IRF2BPL: variants seen among roughly 807,000 people sequenced by gnomAD.
The protein encoded by IRF2BPL is interferon regulatory factor 2 binding protein like, also known as probable E3 ubiquitin-protein ligase IRF2BPL.
A neutral mutation model predicts 51.2 loss-of-function variants in IRF2BPL; 13 were observed. The observed-to-expected ratio is 0.25, with a 90% confidence interval of 0.17 to 0.40. The LOEUF is 0.40. IRF2BPL is among the 10% of genes least tolerant of loss of function. The pLI, the probability that IRF2BPL is intolerant of heterozygous loss-of-function variation, is 1.00. For synonymous variants in IRF2BPL, 768 were observed against 509.2 expected, an observed-to-expected ratio of 1.51 and a Z score of -6.84; for missense variants, 1,210 against 1,111.8, an observed-to-expected ratio of 1.09 and a Z score of -1.26.
At position 77,027,628 on chromosome 14, in the gene IRF2BPL, G is replaced by T. The variant is rs776462375; in HGVS notation, c.165C>A (p.Arg55=). ...DRIEFVIETA[R]QLKRAHGCFQ... is the part of the protein sequence containing the mutation. ...AGCAGCCGTGCGCCCGCTTCAGCTG[G>T]CGCGCTGTCTCGATCACGAATTCGA... Residue 55 remains arginine (R), a synonymous_variant, in exon 1 of 1, where the codon CGC becomes CGA. Coordinates refer to ENST00000238647, the MANE Select transcript of IRF2BPL (RefSeq NM_024496.4). 3 of 1,605,796 alleles carry T rather than the reference G, an allele frequency of 1.9e-6. No individual in the cohort carries two copies. Among genetic ancestry groups the T allele is most frequent in the Non-Finnish European group, 2.5e-6 (3 of 1,176,886 alleles).
chr14:77,027,273 G>T lies in IRF2BPL; in HGVS notation c.520C>A (p.Pro174Thr). The stretch of plus-strand genomic sequence containing the variant: ...CTTCCCAGGCTCACCGGCGGTGGCG[G>T]GTACTCGAAGCGGCTGCGCTGTTCC... Reference protein sequence around the residue: ...AVEQRSRFEYPPPPVSLGSSS... With the variant: ...AVEQRSRFEYTPPPVSLGSSS... The change falls in exon 1 of 1, where the codon CCG becomes ACG. Residue 174 changes from proline (P) to threonine (T), a missense_variant. Pro to Thr is a conservative substitution (Grantham distance 38). Transcript: ENST00000238647. The T allele has an allele frequency of 6.3e-7, 1 of 1,580,778 alleles. No individual in the cohort carries two copies. The highest frequency in any genetic ancestry group is 1.9e-5 in the Admixed American group (1 of 53,926).
Position 77,024,611 on chromosome 14 carries a change from G to A in IRF2BPL, c.*791C>T, listed in dbSNP as rs971625076. 2.0e-5 allele frequency: 3 copies of A among 152,570 alleles called. No homozygotes were observed. The highest frequency in any genetic ancestry group is 4.4e-5 in the Non-Finnish European group (3 of 68,044). 9.5% of individuals were successfully genotyped at this position (152,570 alleles called of 1,614,324 possible). On this transcript the variant is annotated 3_prime_UTR_variant, in exon 1 of 1. Transcript: ENST00000238647. Reference sequence around the variant, plus strand: ...ACATTACAGTGTTCTGTTAACTACAGAAATGTATAAAGGACAAACAGAGCA... The same window carrying A: ...ACATTACAGTGTTCTGTTAACTACAAAAATGTATAAAGGACAAACAGAGCA...
Position 77,025,611 on chromosome 14 carries a change from C to T in IRF2BPL, c.2182G>A (p.Val728Ile). 1.3e-6 allele frequency: 2 copies of T among 1,595,618 alleles called. No individual in the cohort carries two copies. Among genetic ancestry groups the T allele is most frequent in the Non-Finnish European group, 1.7e-6 (2 of 1,169,324 alleles). Residue 728 changes from valine to isoleucine, a missense_variant, in exon 1 of 1, where the codon GTT (valine) becomes ATT (isoleucine). Physicochemically the swap from Val to Ile is conservative, Grantham distance 29. Coordinates refer to ENST00000238647, the MANE Select transcript of IRF2BPL (RefSeq NM_024496.4). ...TGGCTGGGGACGGAAGGGCACTGAA[C>T]GAAATGCGTATCCTCCAAACGTTCG... The part of the protein sequence containing the change: ...CHERLEDTHF[V>I]QCPSVPSHKF...
chr14:77,027,572 G>A lies in IRF2BPL; in HGVS notation c.221C>T (p.Pro74Leu), dbSNP rs1309949328. The A allele has an allele frequency of 4.0e-6, 6 of 1,517,716 alleles. No individual in the cohort carries two copies. Among genetic ancestry groups the A allele is most frequent in the African/African-American group, 1.4e-5 (1 of 70,174 alleles). The allele number at this position is 1,517,716 out of a possible 1,614,324, so 94.0% of individuals were successfully genotyped here. The change falls in exon 1 of 1, where the codon CCG becomes CTG. Residue 74 changes from proline to leucine, a missense_variant. Coordinates refer to ENST00000238647, the MANE Select transcript of IRF2BPL (RefSeq NM_024496.4). The part of the protein sequence containing the change: ...FQDGRSPGPP[P>L]PVGVKTVALS... Reference sequence around the variant, plus strand: ...GGCCACTGTCTTGACCCCGACGGGCGGCGGCGGCCCGGGGGAGCGGCCGTC... The same window carrying A: ...GGCCACTGTCTTGACCCCGACGGGCAGCGGCGGCCCGGGGGAGCGGCCGTC...
At position 77,027,499 on chromosome 14, in the gene IRF2BPL, GGCGGCCGCC is replaced by G. The variant is rs1885185446; in HGVS notation, c.285_293del (p.Ala100_Ala102del). The G allele has an allele frequency of 4.7e-6, 3 of 636,724 alleles. No individual in the cohort carries two copies. The highest frequency in any genetic ancestry group is 2.3e-5 in the African/African-American group (1 of 43,884). 39.4% of individuals were successfully genotyped at this position (636,724 alleles called of 1,614,324 possible). ...GCTGTTGCTGTTGCGCGGCGGCGGCGGCGGCCGCCGCTGCTGCCGCCGCCGCCGCCGCTT... is the reference window on the plus strand; with the variant it reads ...GCTGTTGCTGTTGCGCGGCGGCGGCGGCTGCTGCCGCCGCCGCCGCCGCTT... On this transcript the variant is annotated inframe_deletion, in exon 1 of 1. Coordinates refer to ENST00000238647, the MANE Select transcript of IRF2BPL (RefSeq NM_024496.4).
Position 77,027,582 on chromosome 14 carries a change from C to G in IRF2BPL, c.211G>C (p.Gly71Arg). ...HGCFQDGRSP[G>R]PPPPVGVKTV... ...TTGACCCCGACGGGCGGCGGCGGCC[C>G]GGGGGAGCGGCCGTCCTGGAAGCAG... The change falls in exon 1 of 1, where the codon GGG (glycine) becomes CGG (arginine). Residue 71 changes from glycine (G) to arginine (R), a missense_variant. By Grantham distance (125) the Gly-to-Arg change is moderately radical (BLOSUM62 -2). Transcript: ENST00000238647. 1.3e-6 allele frequency: 2 copies of G among 1,558,952 alleles called. No individual in the cohort carries two copies. The highest frequency in any genetic ancestry group is 1.7e-6 in the Non-Finnish European group (2 of 1,153,742).
rs1203526394 is a variant in IRF2BPL at position 77,025,944 on chromosome 14, G to A, written c.1849C>T (p.Pro617Ser). ...SNRTTPPESA[P>S]QNGPSPMAAL... ...GCCATAGGGGACGGACCGTTCTGGG[G>A]GGCTGACTCAGGTGGGGTGGTCCGG... The change falls in exon 1 of 1, where the codon CCC becomes TCC. Residue 617 changes from proline (P) to serine (S), a missense_variant. By Grantham distance (74) the Pro-to-Ser change is moderately conservative. Transcript: ENST00000238647. The A allele has an allele frequency of 2.5e-6, 4 of 1,607,888 alleles. No individual in the cohort carries two copies. The highest frequency in any genetic ancestry group is 8.5e-7 in the Non-Finnish European group (1 of 1,177,806).
At position 77,026,008 on chromosome 14, in the gene IRF2BPL, A is replaced by C. The variant is rs368940091; in HGVS notation, c.1785T>G (p.Gly595=). 3,327 of 1,553,756 alleles carry C rather than the reference A, an allele frequency of 2.1e-3. 22 individuals carry two copies. Among genetic ancestry groups the C allele is most frequent in the Middle Eastern group, 0.014 (79 of 5,620 alleles). The part of the protein sequence containing the change: ...GFAAPGHAAG[G]PPPPPPPLGP... ...CCAGAGGTGGGGGCGGCGGAGGCGGACCCCCCGCCGCGTGCCCCGGCGCCG... is the reference window on the plus strand; with the variant it reads ...CCAGAGGTGGGGGCGGCGGAGGCGGCCCCCCCGCCGCGTGCCCCGGCGCCG... Residue 595 remains glycine (G), a synonymous_variant, in exon 1 of 1, where the codon GGT becomes GGG. Coordinates refer to ENST00000238647, the MANE Select transcript of IRF2BPL (RefSeq NM_024496.4).
chr14:77,026,485 A>G lies in IRF2BPL; in HGVS notation c.1308T>C (p.Gly436=), dbSNP rs1885127136. The G allele has an allele frequency of 6.2e-7, 1 of 1,613,526 alleles. No individual in the cohort carries two copies. Among genetic ancestry groups the G allele is most frequent in the South Asian group, 1.1e-5 (1 of 91,080 alleles). ...GSGNVYSSAS[G]VAKQMYQDCM... is the part of the protein sequence containing the mutation. ...AGTCCTGATACATCTGCTTGGCCAC[A>G]CCAGATGCACTGGAGTACACGTTGC... The change falls in exon 1 of 1, where the codon GGT becomes GGC. Residue 436 remains glycine (G), a synonymous_variant. Coordinates refer to ENST00000238647, the MANE Select transcript of IRF2BPL (RefSeq NM_024496.4).
chr14:77,027,780 G>C lies in IRF2BPL; in HGVS notation c.13C>G (p.Gln5Glu). ...GATTGTCTCCGGGACGAGGACACCTGCGCCGCCGACATGATGCCTGCCCTG... is the reference window on the plus strand; with the variant it reads ...GATTGTCTCCGGGACGAGGACACCTCCGCCGCCGACATGATGCCTGCCCTG... MSAA[Q>E]VSSSRRQSCY... The change falls in exon 1 of 1, where the codon CAG becomes GAG. Residue 5 changes from glutamine (Q) to glutamate (E), a missense_variant. Gln to Glu is a conservative substitution (Grantham distance 29). Coordinates refer to ENST00000238647, the MANE Select transcript of IRF2BPL (RefSeq NM_024496.4). 1.3e-6 allele frequency: 2 copies of C among 1,579,928 alleles called. No homozygotes were observed. Among genetic ancestry groups the C allele is most frequent in the East Asian group, 2.4e-5 (1 of 41,638 alleles).
In IRF2BPL at chr14:77,026,744, T is replaced by A. The variant is rs747313279; in HGVS notation, c.1049A>T (p.Asn350Ile). ...GCTCAGCTCGGCCAGGGCCTCGGCGTTGCGCTGCTTCTCCTTCAACTCGCG... is the reference window on the plus strand; with the variant it reads ...GCTCAGCTCGGCCAGGGCCTCGGCGATGCGCTGCTTCTCCTTCAACTCGCG... ...QERELKEKQR[N>I]AEALAELSES... Residue 350 changes from asparagine to isoleucine, a missense_variant, in exon 1 of 1, where the codon AAC (asparagine) becomes ATC (isoleucine). Asn to Ile is a moderately radical substitution (Grantham distance 149). Coordinates refer to ENST00000238647, the MANE Select transcript of IRF2BPL (RefSeq NM_024496.4). 3 of 1,612,350 alleles carry A rather than the reference T, an allele frequency of 1.9e-6. No individual in the cohort carries two copies. The highest frequency in any genetic ancestry group is 2.5e-6 in the Non-Finnish European group (3 of 1,179,756).
rs773063496 is a variant in IRF2BPL at position 77,027,552 on chromosome 14, C to T, written c.241G>A (p.Val81Met). 2.6e-6 allele frequency: 2 copies of T among 774,518 alleles called. No individual in the cohort carries two copies. The highest frequency in any genetic ancestry group is 3.3e-6 in the Non-Finnish European group (2 of 601,274). 48.0% of individuals were successfully genotyped at this position (774,518 alleles called of 1,614,324 possible). Residue 81 changes from valine to methionine, a missense_variant, in exon 1 of 1, where the codon GTG (valine) becomes ATG (methionine). Coordinates refer to ENST00000238647, the MANE Select transcript of IRF2BPL (RefSeq NM_024496.4). ...GCCGCTTCCTTAGCCGACAGGGCCA[C>T]TGTCTTGACCCCGACGGGCGGCGGC... ...GPPPPVGVKTVALSAKEAAAA... is the reference protein window; with the variant it reads ...GPPPPVGVKTMALSAKEAAAA...
chr14:77,027,418 TTGCTGCTGCTGCTGCTGCTGCTGCTGC>T lies in IRF2BPL; in HGVS notation c.348_374del (p.Gln119_Gln127del). 4 of 1,384,854 alleles carry T rather than the reference TTGCTGCTGCTGCTGCTGCTGCTGCTGC, an allele frequency of 2.9e-6. No individual in the cohort carries two copies. The highest frequency in any genetic ancestry group is 3.1e-5 in the East Asian group (1 of 32,408). 85.8% of individuals were successfully genotyped at this position (1,384,854 alleles called of 1,614,324 possible). A position where few individuals can be genotyped will look rare whatever the true frequency, so the allele number is the denominator to read the frequency against. ...AACCATCAACGTGGTTGAGCTGTTGTTGCTGCTGCTGCTGCTGCTGCTGCTGCTGCTGTTGCTGCTGCTGCTGCTGCT... is the reference window on the plus strand; with the variant it reads ...AACCATCAACGTGGTTGAGCTGTTGTTGCTGTTGCTGCTGCTGCTGCTGCT... On this transcript the variant is annotated inframe_deletion, in exon 1 of 1. Transcript: ENST00000238647.
At position 77,024,624 on chromosome 14, in the gene IRF2BPL, GACAA is replaced by G. The variant is rs998372415; in HGVS notation, c.*774_*777del. On this transcript the variant is annotated 3_prime_UTR_variant, in exon 1 of 1. Transcript: ENST00000238647. The stretch of plus-strand genomic sequence containing the variant: ...CTGTTAACTACAGAAATGTATAAAG[GACAA>G]ACAGAGCAGATTCTCCATGTCTAGC... 2.6e-5 allele frequency: 4 copies of G among 152,526 alleles called. No individual in the cohort carries two copies. The highest frequency in any genetic ancestry group is 9.7e-5 in the African/African-American group (4 of 41,408). The allele number at this position is 152,526 out of a possible 1,614,324, so 9.4% of individuals were successfully genotyped here. A position where few individuals can be genotyped will look rare whatever the true frequency, so the allele number is the denominator to read the frequency against.
At position 77,025,236 on chromosome 14, in the gene IRF2BPL, CGA is replaced by C; in HGVS notation, c.*164_*165del. 1 of 465,318 alleles carries C rather than the reference CGA, an allele frequency of 2.1e-6. No individual in the cohort carries two copies. The highest frequency in any genetic ancestry group is 3.8e-6 in the Non-Finnish European group (1 of 264,852). 28.8% of individuals were successfully genotyped at this position (465,318 alleles called of 1,614,324 possible). ...CTTTGTTTCAAAATATAGAAACATA[CGA>C]CGAAAATAATGTCTATACATAAGAC... On this transcript the variant is annotated 3_prime_UTR_variant, in exon 1 of 1. Coordinates refer to ENST00000238647, the MANE Select transcript of IRF2BPL (RefSeq NM_024496.4).
Position 77,026,506 on chromosome 14 carries a change from G to A in IRF2BPL, c.1287C>T (p.Asn429=), listed in dbSNP as rs1885128076. The A allele has an allele frequency of 4.3e-6, 7 of 1,613,506 alleles. No individual in the cohort carries two copies. The highest frequency in any genetic ancestry group is 2.2e-5 in the East Asian group (1 of 44,882). ...CCACACCAGATGCACTGGAGTACAC[G>A]TTGCCCGAGCCCGTGGGGTACTCAA... ...LFIEYPTGSG[N]VYSSASGVAK... Residue 429 remains asparagine (N), a synonymous_variant, in exon 1 of 1, where the codon AAC becomes AAT. Coordinates refer to ENST00000238647, the MANE Select transcript of IRF2BPL (RefSeq NM_024496.4).
Position 77,026,795 on chromosome 14 carries a change from C to T in IRF2BPL, c.998G>A (p.Gly333Asp), listed in dbSNP as rs1885139500. Reference protein sequence around the residue: ...VGVGAGGKRPGSVSSTDQERE... With the variant: ...VGVGAGGKRPDSVSSTDQERE... ...CTCCTGGTCTGTGCTCGACACCGAG[C>T]CGGGCCTCTTACCACCAGCACCCAC... The change falls in exon 1 of 1, where the codon GGC (glycine) becomes GAC (aspartate). Residue 333 changes from glycine (G) to aspartate (D), a missense_variant. Coordinates refer to ENST00000238647, the MANE Select transcript of IRF2BPL (RefSeq NM_024496.4). The T allele has an allele frequency of 1.2e-6, 2 of 1,612,752 alleles. No individual in the cohort carries two copies. Among genetic ancestry groups the T allele is most frequent in the Non-Finnish European group, 1.7e-6 (2 of 1,179,796 alleles).
chr14:77,027,462 GC>G lies in IRF2BPL; in HGVS notation c.330del (p.Gln110HisfsTer42). The G allele has an allele frequency of 6.9e-7, 1 of 1,442,186 alleles. No homozygotes were observed. The highest frequency in any genetic ancestry group is 1.4e-5 in the South Asian group (1 of 73,468). The allele number at this position is 1,442,186 out of a possible 1,614,324, so 89.3% of individuals were successfully genotyped here. On this transcript the variant is annotated frameshift_variant, in exon 1 of 1. Transcript: ENST00000238647. LOFTEE classifies it high-confidence loss of function. ...AAAQQQQQQQ[Q>X]QQQQQQQQQQ... ...TGCTGCTGCTGCTGTTGCTGCTGCT[GC>G]TGCTGCTGTTGCTGTTGCTGTTGCG...
Position 77,026,776 on chromosome 14 carries a change from G to A in IRF2BPL, c.1017C>T (p.Asp339=). The part of the protein sequence containing the change: ...GKRPGSVSST[D]QERELKEKQR... ...GCTTCTCCTTCAACTCGCGCTCCTG[G>A]TCTGTGCTCGACACCGAGCCGGGCC... The change falls in exon 1 of 1, where the codon GAC becomes GAT. Residue 339 remains aspartate, a synonymous_variant. Transcript: ENST00000238647. 1 of 1,612,692 alleles carries A rather than the reference G, an allele frequency of 6.2e-7. No homozygotes were observed. The highest frequency in any genetic ancestry group is 8.5e-7 in the Non-Finnish European group (1 of 1,179,824).
Sources: gnomAD v4.1 joint callset for allele counts on GRCh38, gnomAD v4.1.1 for gene constraint, MANE v1.5 for transcripts, NCBI Gene and HGNC (gene_info 2026-07-23, HGNC 2026-07-21) for gene names.